The following TNFRSF8 variants were observed in gnomAD, a reference collection of about 807,000 sequenced individuals.
TNFRSF8 encodes the protein TNF receptor superfamily member 8.
Under a neutral mutation model 70.8 loss-of-function variants are expected in TNFRSF8, and 26 were observed. The ratio of observed to expected loss-of-function variants is 0.37; its 90% CI spans 0.27 to 0.51. TNFRSF8 has a LOEUF of 0.51. Among genes scored for constraint, TNFRSF8 ranks in the 20% least tolerant of loss-of-function variants. The pLI is 0.94. For synonymous variants in TNFRSF8, 356 were observed against 339.2 expected (o/e 1.05, Z -0.54); for missense variants, 720 against 807.9 (o/e 0.89, Z 1.32).
At chr1:12,132,201 C>T (rs1483692076) in intron 12 of TNFRSF8, among the ~76,000 whole-genome samples, 5 of 152,246 alleles carry the variant, frequency 3.3e-5, no homozygotes, top group Admixed American at 2.0e-4. Flanking sequence ...AAGCCAGCAT[C>T]GTTCATTTGT....
intron 3 of TNFRSF8, among the ~76,000 whole-genome samples, chr1:12,098,584 AAAAGTATCAGAAAAAG>A (rs1244861125): frequency 6.6e-6 from 1 of 152,208 alleles, no homozygotes; most frequent in African/African-American, 2.4e-5. Flanking sequence ...AATTTTAGTC[AAAAGTATCAGAAAAAG>A]AAAGCGAAGT....
chr1:12,134,318 C>T (rs750925595), intron 12 of TNFRSF8, among the ~76,000 whole-genome samples: 8 of 152,138 alleles, frequency 5.3e-5, no homozygotes, highest in South Asian at 2.1e-4. Flanking sequence ...CCGTAGGTAG[C>T]GTTCTCAGGA....
In TNFRSF8 at chr1:12,112,025, C is replaced by T. The variant is rs375748193; in HGVS notation, c.793+11C>T. ...TGAGCTGTTCTCGAGGTAAGGGCCT[C>T]GTCCCTCCCCGGGCCTCAGTTTACC... On this transcript the variant is annotated intron_variant, in intron 7 of 14. Transcript: ENST00000263932. The surrounding 1 kb of genome is among the most constrained non-coding windows in gnomAD (Gnocchi z 5.3). 50 of 1,603,276 alleles carry T rather than the reference C, an allele frequency of 3.1e-5. No individual in the cohort carries two copies. In the African/African-American group the frequency reaches 3.9e-4, roughly 12 times the overall value.
At position 12,104,655 on chromosome 1, in the gene TNFRSF8, T is replaced by C. The variant is rs371382928; in HGVS notation, c.421+124T>C. 2.5e-5 allele frequency: 31 copies of C among 1,253,966 alleles called. No homozygotes were observed. The African/African-American group carries it at 3.2e-4, about 13-fold the overall frequency. The allele number at this position is 1,253,966 out of a possible 1,614,324, so 77.7% of individuals were successfully genotyped here. A position where few individuals can be genotyped will look rare whatever the true frequency, so the allele number is the denominator to read the frequency against. ...CCCGGAGACTGTTGGACAGATCATG[T>C]CTCCTTTGGCGATGGGCCAGGGATG... On this transcript the variant is annotated intron_variant, in intron 4 of 14. Transcript: ENST00000263932.
At chr1:12,105,449 AC>A (rs1641503107) in intron 4 of TNFRSF8, among the ~76,000 whole-genome samples, 1 of 150,620 alleles carries the variant, frequency 6.6e-6, no homozygotes, top group South Asian at 2.1e-4. Flanking sequence ...CCACCTTCTC[AC>A]CCCGAATACC....
chr1:12,111,805 C>A, intron 6 of TNFRSF8, 93 bp from the exon 7 acceptor site: 1 of 1,012,388 alleles, frequency 9.9e-7, no homozygotes, highest in South Asian at 1.3e-5. Flanking sequence ...TGGGAGCTGG[C>A]CACGGTGAGG....
chr1:12,126,329 A>G, intron 12 of TNFRSF8, 93 bp downstream of exon 12: 1 of 1,461,302 alleles, frequency 6.8e-7, no homozygotes, highest in Non-Finnish European at 9.5e-7. Context: ...CTGAACTTCT[A>G]CCCCAGCCTC....
chr1:12,110,044 C>T lies in TNFRSF8; in HGVS notation c.516C>T (p.Gly172=), dbSNP rs369111395. Residue 172 remains glycine (G), a synonymous_variant, in exon 6 of 15, where the codon GGC becomes GGT. Transcript: ENST00000263932. This position sits in a 1 kb window ranked among gnomAD's most constrained non-coding sequence, Gnocchi z 4.0. ...SPENCKEPSS[G]TIPQAKPTPV... Reference sequence around the variant, plus strand: ...CCATCTCTGGCTTCTTCCCCAGTGGCACCATCCCCCAGGCCAAGCCCACCC... The same window carrying T: ...CCATCTCTGGCTTCTTCCCCAGTGGTACCATCCCCCAGGCCAAGCCCACCC... 7.4e-5 allele frequency: 120 copies of T among 1,612,456 alleles called. No individual in the cohort carries two copies. Among genetic ancestry groups the T allele is most frequent in the Non-Finnish European group, 9.6e-5 (113 of 1,179,294 alleles).
At chr1:12,123,850 C>A (rs762552422) in intron 10 of TNFRSF8, 23 bp downstream of exon 10, 3 of 1,539,956 alleles carry the variant, frequency 1.9e-6, no homozygotes, top group East Asian at 2.4e-5. Flanking sequence ...GCCCACTCAC[C>A]CCTACTCCCA....
Position 12,142,779 on chromosome 1 carries a change from G to T in TNFRSF8, c.*248G>T, listed in dbSNP as rs1359573160. 1 of 502,732 alleles carries T rather than the reference G, an allele frequency of 2.0e-6. No homozygotes were observed. The highest frequency in any genetic ancestry group is 3.5e-6 in the Non-Finnish European group (1 of 283,616). The allele number at this position is 502,732 out of a possible 1,614,324, so 31.1% of individuals were successfully genotyped here. ...CAGAAGAGACAGTCCAAGGGGACTG[G>T]ATCCCAGCAGTGATGTTGGTTGAGG... is the stretch of plus-strand genomic sequence containing the variant. On this transcript the variant is annotated 3_prime_UTR_variant, in exon 15 of 15. Coordinates refer to ENST00000263932, the MANE Select transcript of TNFRSF8 (RefSeq NM_001243.5). The surrounding 1 kb of genome is among the most constrained non-coding windows in gnomAD (Gnocchi z 5.0).
At chr1:12,067,267 G>A (rs1370359715) in intron 1 of TNFRSF8, among the ~76,000 whole-genome samples, 1 of 152,200 alleles carries the variant, frequency 6.6e-6, no homozygotes, top group African/African-American at 2.4e-5. Context: ...CCAACATCAT[G>A]TTCCTTGCCA....
intron 6 of TNFRSF8, 112 bp from the exon 7 acceptor site, chr1:12,111,786 T>C: frequency 1.2e-6 from 1 of 820,010 alleles, no homozygotes; most frequent in South Asian, 1.4e-5. Context: ...TGAGCTGACA[T>C]GCGGAGTTTG....
At chr1:12,083,160 A>G (rs1641094771) in intron 1 of TNFRSF8, among the ~76,000 whole-genome samples, 1 of 152,256 alleles carries the variant, frequency 6.6e-6, no homozygotes, top group Non-Finnish European at 1.5e-5. Flanking sequence ...TGATACCACC[A>G]AGTGCTGACA....
intron 3 of TNFRSF8, among the ~76,000 whole-genome samples, chr1:12,098,548 T>C (rs1380108596): frequency 6.6e-6 from 1 of 152,170 alleles, no homozygotes; most frequent in African/African-American, 2.4e-5. Context: ...TGGCAACATA[T>C]TTATGGCATT....
chr1:12,101,523 T>C (rs1570027273), intron 3 of TNFRSF8, among the ~76,000 whole-genome samples: 2 of 152,148 alleles, frequency 1.3e-5, no homozygotes, highest in Non-Finnish European at 1.5e-5. Flanking sequence ...CTATCCATAA[T>C]TGCATGTGCT....
At chr1:12,066,159 C>T (rs1640736320) in intron 1 of TNFRSF8, among the ~76,000 whole-genome samples, 1 of 152,126 alleles carries the variant, frequency 6.6e-6, no homozygotes, top group Non-Finnish European at 1.5e-5. Flanking sequence ...CTGAGCATCT[C>T]TCTGGGCTCA....
At position 12,138,363 on chromosome 1, in the gene TNFRSF8, G is replaced by A. The variant is rs142641214; in HGVS notation, c.1470G>A (p.Pro490=). The part of the protein sequence containing the change: ...LESLPLQDAS[P]AGGPSSPRDL... ...GCCTGCCGCTGCAGGATGCCAGCCC[G>A]GCCGGGGGCCCCTCGTCCCCCAGGG... The change falls in exon 14 of 15, where the codon CCG becomes CCA. Residue 490 remains proline, a synonymous_variant. Transcript: ENST00000263932. The surrounding 1 kb of genome is among the most constrained non-coding windows in gnomAD (Gnocchi z 5.7). The A allele has an allele frequency of 1.2e-5, 20 of 1,613,552 alleles. 1 individual carries two copies. In the Middle Eastern group the frequency reaches 8.2e-4, roughly 66 times the overall value.
At chr1:12,140,083 A>C (rs755741861) in intron 14 of TNFRSF8, among the ~76,000 whole-genome samples, 1 of 152,244 alleles carries the variant, frequency 6.6e-6, no homozygotes, top group Non-Finnish European at 1.5e-5. Context: ...GTCCACACTG[A>C]GTACAGTGCC....
intron 2 of TNFRSF8, among the ~76,000 whole-genome samples, chr1:12,096,211 C>T (rs1570018889): frequency 6.6e-6 from 1 of 152,066 alleles, no homozygotes; most frequent in African/African-American, 2.4e-5. Flanking sequence ...TTCTGATTGG[C>T]CTGCTTGGGT....
Sources: gnomAD v4.1 joint callset for allele counts (sites outside exome capture counted in the v4.1 genomes callset) on GRCh38, gnomAD v4.1.1 for gene constraint, Gnocchi (gnomAD v3.1) non-coding constraint, MANE v1.5 for transcripts, NCBI Gene and HGNC (gene_info 2026-07-23, HGNC 2026-07-21) for gene names.